The following SLIT3 variants were observed in gnomAD, a reference collection of about 807,000 sequenced individuals.
SLIT3 encodes the protein slit homolog 3 protein.
SLIT3 carries 68 observed loss-of-function variants against 184.0 expected under a neutral mutation model. The ratio of observed to expected loss-of-function variants is 0.37; its 90% CI spans 0.30 to 0.45. The LOEUF is 0.45. Among genes scored for constraint, SLIT3 ranks in the 20% least tolerant of loss-of-function variants. SLIT3 has a pLI of 1.00. For missense variants in SLIT3, 1,707 were observed against 2,026.0 expected, an observed-to-expected ratio of 0.84 and a Z score of 3.02; for synonymous variants, 831 against 828.6, an observed-to-expected ratio of 1.00 and a Z score of -0.05.
chr5:169,058,840 C>T (rs1337851834), intron 4 of SLIT3, among the ~76,000 whole-genome samples: 2 of 152,202 alleles, frequency 1.3e-5, no homozygotes, highest in Admixed American at 1.3e-4. Flanking sequence ...TAAGATGCCT[C>T]AGGTTTGGAA....
At chr5:168,711,352 T>G (rs1762554943) in intron 24 of SLIT3, among the ~76,000 whole-genome samples, 1 of 150,782 alleles carries the variant, frequency 6.6e-6, no homozygotes, top group South Asian at 2.1e-4. Flanking sequence ...TTTAGGGAGC[T>G]TCCTGGATCA....
intron 5 of SLIT3, among the ~76,000 whole-genome samples, chr5:168,882,102 T>C (rs1759976399): frequency 6.6e-6 from 1 of 152,202 alleles, no homozygotes; most frequent in Admixed American, 6.5e-5. Context: ...CTGGAAGCCA[T>C]CACCAGCTGC....
chr5:168,817,249 T>C (rs1447855979), intron 8 of SLIT3, 51 bp downstream of exon 8: 16 of 1,548,552 alleles, frequency 1.0e-5, no homozygotes, highest in Non-Finnish European at 1.3e-5. Flanking sequence ...TGGGAGCTCA[T>C]GGGTGGGTGG....
At chr5:169,258,191 C>T (rs187621509) in intron 1 of SLIT3, among the ~76,000 whole-genome samples, 112 of 152,228 alleles carry the variant, frequency 7.4e-4, no homozygotes, top group African/African-American at 2.5e-3. Flanking sequence ...AACCTGGGCT[C>T]TCTGAATGCA....
At chr5:168,794,830 C>T (rs1015598633) in intron 10 of SLIT3, among the ~76,000 whole-genome samples, 3 of 152,168 alleles carry the variant, frequency 2.0e-5, no homozygotes, top group African/African-American at 7.2e-5. Context: ...TTCCTGCTGC[C>T]TGGGACAGTC....
Position 168,853,184 on chromosome 5 carries a change from T to C in SLIT3, c.486-8529A>G, listed in dbSNP as rs184786216. On this transcript the variant is annotated intron_variant, in intron 5 of 35. Coordinates refer to ENST00000519560, the MANE Select transcript of SLIT3 (RefSeq NM_003062.4). Reference sequence around the variant, plus strand: ...GGCAGCAGTTCAGACTCACATGCTTTTTGTATTTCTCCTGCTATTACAAGA... The same window carrying C: ...GGCAGCAGTTCAGACTCACATGCTTCTTGTATTTCTCCTGCTATTACAAGA... Among the ~76,000 whole-genome samples the C allele has an allele frequency of 1.4e-4, 21 of 152,336 alleles. No individual in the cohort carries two copies. The East Asian group carries it at 3.7e-3, about 27-fold the overall frequency.
chr5:169,106,368 T>C (rs1258659943), intron 4 of SLIT3, among the ~76,000 whole-genome samples: 1 of 152,100 alleles, frequency 6.6e-6, no homozygotes, highest in African/African-American at 2.4e-5. Flanking sequence ...TGGCTTGTGA[T>C]GAGGGTCTGT....
At chr5:169,114,024 A>G (rs750038429) in intron 4 of SLIT3, among the ~76,000 whole-genome samples, 1 of 152,212 alleles carries the variant, frequency 6.6e-6, no homozygotes, top group Admixed American at 6.5e-5. Context: ...AAAGCACTCA[A>G]TAAGCGTCAG....
chr5:168,867,040 A>G (rs572209815), intron 5 of SLIT3, among the ~76,000 whole-genome samples: 1 of 152,300 alleles, frequency 6.6e-6, no homozygotes, highest in East Asian at 1.9e-4. Context: ...CAAAAGTTAT[A>G]GAATCAGCTG....
At chr5:168,867,834 T>C (rs76443289) in intron 5 of SLIT3, among the ~76,000 whole-genome samples, 1,969 of 152,230 alleles carry the variant, frequency 0.013, 20 homozygotes, top group East Asian at 0.046. Context: ...AGCAAGATTA[T>C]TGACACCTGC....
At chr5:168,844,085 C>T (rs116142755) in intron 6 of SLIT3, among the ~76,000 whole-genome samples, 511 of 150,116 alleles carry the variant, frequency 3.4e-3, no homozygotes, top group African/African-American at 0.011. Flanking sequence ...CTGGGCTTTC[C>T]CAGGCTGTGT....
intron 4 of SLIT3, among the ~76,000 whole-genome samples, chr5:169,097,806 G>A (rs1318365307): frequency 6.6e-5 from 10 of 152,144 alleles, no homozygotes; most frequent in Non-Finnish European, 1.5e-5. Flanking sequence ...CTTCTCATCT[G>A]CCCTTTGTTA....
At chr5:168,784,855 G>A (rs1402317931) in intron 12 of SLIT3, among the ~76,000 whole-genome samples, 1 of 151,698 alleles carries the variant, frequency 6.6e-6, no homozygotes, top group East Asian at 1.9e-4. Flanking sequence ...TGACTTGGAG[G>A]TGATTTTAAA....
chr5:169,280,855 T>C (rs1194312328), intron 1 of SLIT3, among the ~76,000 whole-genome samples: 1 of 152,142 alleles, frequency 6.6e-6, no homozygotes, highest in Non-Finnish European at 1.5e-5. Flanking sequence ...TTTTCTATTT[T>C]TAAAACGAGA....
At chr5:169,246,425 A>C (rs62376919) in intron 2 of SLIT3, among the ~76,000 whole-genome samples, 20,808 of 152,252 alleles carry the variant, frequency 0.14, 1,830 homozygotes, top group East Asian at 0.43. Flanking sequence ...TCTGGTGAGC[A>C]TAGTAGATTT....
chr5:169,050,932 G>A (rs900498428), intron 4 of SLIT3, among the ~76,000 whole-genome samples: 3 of 152,146 alleles, frequency 2.0e-5, no homozygotes, highest in African/African-American at 4.8e-5. Flanking sequence ...GCCTTCCAGC[G>A]CTCTGCTGTC....
At chr5:168,923,509 T>C (rs2113133192) in intron 4 of SLIT3, among the ~76,000 whole-genome samples, 1 of 147,104 alleles carries the variant, frequency 6.8e-6, no homozygotes, top group East Asian at 2.0e-4. Context: ...ACCCCCTTCC[T>C]AAATATCTTT....
intron 5 of SLIT3, among the ~76,000 whole-genome samples, chr5:168,862,957 G>A (rs1759164797): frequency 6.6e-6 from 1 of 152,196 alleles, no homozygotes; most frequent in South Asian, 2.1e-4. Context: ...TTACAGGCAT[G>A]AGCCGCTGCG....
At chr5:168,670,499 A>G (rs2113168699) in intron 34 of SLIT3, among the ~76,000 whole-genome samples, 1 of 152,316 alleles carries the variant, frequency 6.6e-6, no homozygotes, top group East Asian at 1.9e-4. Flanking sequence ...GGTAAAGCCT[A>G]TATTCTGAAT....
Sources: gnomAD v4.1 joint callset for allele counts (sites outside exome capture counted in the v4.1 genomes callset) on GRCh38, gnomAD v4.1.1 for gene constraint, MANE v1.5 for transcripts, NCBI Gene and HGNC (gene_info 2026-07-23, HGNC 2026-07-21) for gene names.